The following RASGEF1A variants were observed in gnomAD, a reference collection of about 807,000 sequenced individuals.
RASGEF1A encodes the protein ras-GEF domain-containing family member 1A.
Under a neutral mutation model 56.4 loss-of-function variants are expected in RASGEF1A, and 18 were observed. The observed-to-expected ratio is 0.32, with a 90% CI of 0.22 to 0.47. The LOEUF is 0.47. Among genes scored for constraint, RASGEF1A ranks in the 20% least tolerant of loss-of-function variants. The pLI, the probability that RASGEF1A is intolerant of heterozygous loss-of-function variation, is 1.00. For synonymous variants in RASGEF1A, 245 were observed against 242.6 expected, an observed-to-expected ratio of 1.01 and a Z score of -0.09; for missense variants, 422 against 627.1, an observed-to-expected ratio of 0.67 and a Z score of 3.49.
At chr10:43,207,595 T>G (rs1388212418) in intron 1 of RASGEF1A, 1 of 985,620 alleles carries the variant, frequency 1.0e-6, no homozygotes, top group East Asian at 1.1e-4. Context: ...ACGATGACGC[T>G]GGGTGGAATG....
Position 43,244,249 on chromosome 10 carries a change from C to T in RASGEF1A, c.-7+22596G>A, listed in dbSNP as rs906335832. Among the ~76,000 whole-genome samples the T allele has an allele frequency of 5.3e-5, 8 of 151,562 alleles. 1 individual carries two copies. In the South Asian group the frequency reaches 8.5e-4, roughly 16 times the overall value. ...AAGTACCCAGGGACACAAACAGGGC[C>T]GAAGGCCGCAGGGACCTCTGCCTAG... is the stretch of plus-strand genomic sequence containing the variant. On this transcript the variant is annotated intron_variant, in intron 1 of 12. Coordinates refer to ENST00000395810, the MANE Select transcript of RASGEF1A (RefSeq NM_145313.4).
At chr10:43,248,481 A>T (rs1840591680) in intron 1 of RASGEF1A, among the ~76,000 whole-genome samples, 1 of 152,178 alleles carries the variant, frequency 6.6e-6, no homozygotes, top group African/African-American at 2.4e-5. Flanking sequence ...AAGTTATGTG[A>T]ATTATATATT....
chr10:43,225,389 CTG>C (rs1176820328), intron 1 of RASGEF1A, among the ~76,000 whole-genome samples: 1 of 145,080 alleles, frequency 6.9e-6, no homozygotes, highest in African/African-American at 2.6e-5. Flanking sequence ...CTGCATGTGT[CTG>C]TGTCTGTGTG....
rs1588953463 is a variant in RASGEF1A, at chr10:43,257,971, CAGGA to C, written c.-7+8870_-7+8873del. Among the ~76,000 whole-genome samples, 3 of 152,196 alleles carry C rather than the reference CAGGA, an allele frequency of 2.0e-5. No homozygotes were observed. The East Asian group carries it at 5.8e-4, about 29-fold the overall frequency. On this transcript the variant is annotated intron_variant, in intron 1 of 12. Transcript: ENST00000395810. ...GGCAGGGGAAGGCAGCTGCCTGGGC[CAGGA>C]CATGAGGGCCTCCAGTGTTACATTT...
At chr10:43,263,008 G>A (rs1165625228) in intron 1 of RASGEF1A, among the ~76,000 whole-genome samples, 1 of 152,184 alleles carries the variant, frequency 6.6e-6, no homozygotes, top group African/African-American at 2.4e-5. Context: ...TGGGGAACCT[G>A]GGGCAGGCAA....
At chr10:43,239,310 G>A (rs1284588179) in intron 1 of RASGEF1A, among the ~76,000 whole-genome samples, 3 of 152,208 alleles carry the variant, frequency 2.0e-5, no homozygotes, top group African/African-American at 7.2e-5. Context: ...GATGTGCTGG[G>A]TCAAAGGTTA....
Position 43,203,395 on chromosome 10 carries a change from A to G in RASGEF1A, c.224T>C (p.Leu75Pro). 6.3e-7 allele frequency: 1 copy of G among 1,583,194 alleles called. No homozygotes were observed. The highest frequency in any genetic ancestry group is 8.6e-7 in the Non-Finnish European group (1 of 1,164,568). ...PDRTYIFTFL[L>P]SSRVFMPPHD... is the part of the protein sequence containing the mutation. ...AGGGGGCATAAAGACCCGGGAGCTC[A>G]GGAGAAAGGTGAAGATGTACGTCCT... is the stretch of plus-strand genomic sequence containing the variant. Residue 75 changes from leucine (L) to proline (P), a missense_variant, in exon 3 of 13, where the codon CTG becomes CCG. Leu to Pro is a moderately conservative substitution (Grantham distance 98, BLOSUM62 -3). Transcript: ENST00000395810.
intron 1 of RASGEF1A, among the ~76,000 whole-genome samples, chr10:43,226,513 G>A (rs1704683630): frequency 6.6e-6 from 1 of 151,810 alleles, no homozygotes; most frequent in Non-Finnish European, 1.5e-5. Flanking sequence ...CGAGATCCAC[G>A]CCATCCATGG....
At position 43,247,795 on chromosome 10, in the gene RASGEF1A, C is replaced by T. The variant is rs188625621; in HGVS notation, c.-7+19050G>A. On this transcript the variant is annotated intron_variant, in intron 1 of 12. Transcript: ENST00000395810. Reference sequence around the variant, plus strand: ...AGAAGTTCTGGGCTGGGCGTGGTGGCTCACACCTATAATCCCAGCACTTTG... The same window carrying T: ...AGAAGTTCTGGGCTGGGCGTGGTGGTTCACACCTATAATCCCAGCACTTTG... Among the ~76,000 whole-genome samples the T allele has an allele frequency of 1.1e-4, 16 of 152,246 alleles. No homozygotes were observed. In the East Asian group the frequency reaches 3.1e-3, roughly 29 times the overall value.
intron 1 of RASGEF1A, among the ~76,000 whole-genome samples, chr10:43,240,923 C>A (rs1212390807): frequency 1.3e-5 from 2 of 152,160 alleles, no homozygotes; most frequent in Non-Finnish European, 2.9e-5. Context: ...AGCAGTTGAG[C>A]TGACACGTTC....
Position 43,233,022 on chromosome 10 carries a change from C to T in RASGEF1A, c.-6-26900G>A, listed in dbSNP as rs369321676. Among the ~76,000 whole-genome samples, 27 of 151,988 alleles carry T rather than the reference C, an allele frequency of 1.8e-4. No homozygotes were observed. The East Asian group carries it at 3.9e-3, about 22-fold the overall frequency. On this transcript the variant is annotated intron_variant, in intron 1 of 12. Coordinates refer to ENST00000395810, the MANE Select transcript of RASGEF1A (RefSeq NM_145313.4). ...ACAGGCCCTGCCCACCCTCCCCCTGCGTGCAATGTGCTCTGCAGTGTCTGT... is the reference window on the plus strand; with the variant it reads ...ACAGGCCCTGCCCACCCTCCCCCTGTGTGCAATGTGCTCTGCAGTGTCTGT...
intron 1 of RASGEF1A, among the ~76,000 whole-genome samples, chr10:43,259,647 T>G (rs2253524): frequency 0.8 from 122,366 of 152,162 alleles, 49,734 homozygotes; most frequent in Non-Finnish European, 0.86. Context: ...CCCCAGCCCA[T>G]GCACTGAGTC....
chr10:43,243,441 G>A (rs114788780), intron 1 of RASGEF1A, among the ~76,000 whole-genome samples: 1,609 of 146,214 alleles, frequency 0.011, 38 homozygotes, highest in African/African-American at 0.039. Context: ...GTCTCTGCCC[G>A]GCCACCCCGC....
chr10:43,265,829 A>C (rs948519219), intron 1 of RASGEF1A, among the ~76,000 whole-genome samples: 3 of 152,144 alleles, frequency 2.0e-5, no homozygotes, highest in Admixed American at 2.0e-4. Flanking sequence ...GGGCGGGAGA[A>C]CCCTGGGGGG....
chr10:43,196,186 C>A lies in RASGEF1A; in HGVS notation c.*58G>T. On this transcript the variant is annotated 3_prime_UTR_variant, in exon 13 of 13. Coordinates refer to ENST00000395810, the MANE Select transcript of RASGEF1A (RefSeq NM_145313.4). This position sits in a 1 kb window ranked among gnomAD's most constrained non-coding sequence, Gnocchi z 4.6. ...CCTCCTCATCTCAACCCACATCAGT[C>A]AAAATTTAAACCCAGTTAGTGCACG... is the stretch of plus-strand genomic sequence containing the variant. 3 of 1,578,592 alleles carry A rather than the reference C, an allele frequency of 1.9e-6. No individual in the cohort carries two copies. The South Asian group carries it at 3.4e-5, about 18-fold the overall frequency.
intron 2 of RASGEF1A, among the ~76,000 whole-genome samples, chr10:43,204,340 C>G (rs1446899170): frequency 2.6e-5 from 4 of 152,126 alleles, no homozygotes; most frequent in African/African-American, 9.7e-5. Context: ...CCTCCTGGAG[C>G]AGGACTCAGG....
intron 1 of RASGEF1A, among the ~76,000 whole-genome samples, chr10:43,261,539 G>A (rs1836528930): frequency 6.6e-6 from 1 of 152,194 alleles, no homozygotes; most frequent in Non-Finnish European, 1.5e-5. Context: ...ATGAATAATT[G>A]ATGCAGCCCC....
rs1450979731 is a variant in RASGEF1A at position 43,209,049 on chromosome 10, C to T, written c.-6-2927G>A. The T allele has an allele frequency of 9.1e-6, 9 of 985,404 alleles. No homozygotes were observed. In the South Asian group the frequency reaches 1.9e-4, roughly 21 times the overall value. The allele number at this position is 985,404 out of a possible 1,614,324, so 61.0% of individuals were successfully genotyped here. ...TGCACCTGCTTCCTCCTTGCCCCAA[C>T]AGCAGGGGCAGGCACTTCGACAGGC... On this transcript the variant is annotated intron_variant, in intron 1 of 12. Coordinates refer to ENST00000395810, the MANE Select transcript of RASGEF1A (RefSeq NM_145313.4).
chr10:43,199,777 G>A lies in RASGEF1A; in HGVS notation c.757-9C>T, dbSNP rs1376776066. 1 of 1,611,086 alleles carries A rather than the reference G, an allele frequency of 6.2e-7. No individual in the cohort carries two copies. Among genetic ancestry groups the A allele is most frequent in the Admixed American group, 1.7e-5 (1 of 60,006 alleles). On this transcript the variant is annotated splice_polypyrimidine_tract_variant and intron_variant, in intron 6 of 12. Transcript: ENST00000395810. The stretch of plus-strand genomic sequence containing the variant: ...GTCAGGTCCCCTCGGCACTGGAAAG[G>A]ACACAGCAGGTCATAGGGGGCCTGG...
Sources: allele counts gnomAD v4.1 joint callset (sites outside exome capture counted in the v4.1 genomes callset), GRCh38; gene constraint gnomAD v4.1.1; non-coding constraint Gnocchi (gnomAD v3.1); transcripts MANE v1.5; gene names NCBI Gene and HGNC (gene_info 2026-07-23, HGNC 2026-07-21).